Variants in CACNA1H observed in about 807,000 individuals in gnomAD.
CACNA1H encodes voltage-dependent T-type calcium channel subunit alpha-1H.
A neutral mutation model predicts 192.5 loss-of-function variants in CACNA1H; 149 were observed. The ratio of observed to expected loss-of-function variants is 0.77; its 90% confidence interval spans 0.68 to 0.89. CACNA1H has a LOEUF of 0.89. Among genes scored for constraint, CACNA1H ranks in the 40% least tolerant of loss-of-function variants. The probability of loss-of-function intolerance (pLI) is 0.00; values close to 1 mark genes in which losing one functional copy is unlikely to be tolerated. For synonymous variants in CACNA1H, 2,202 were observed against 1,475.2 expected (o/e 1.49, Z -11.29); for missense variants, 4,257 against 3,423.5 (o/e 1.24, Z -6.08).
chr16:1,186,541 T>G (rs906828169), intron 2 of CACNA1H, among the ~76,000 whole-genome samples: 3 of 152,046 alleles, frequency 2.0e-5, no homozygotes, highest in African/African-American at 7.3e-5. Flanking sequence ...CTCCGGCGAT[T>G]CCCTGGGAAC....
At chr16:1,201,443 G>A (rs766455507) in intron 8 of CACNA1H, among the ~76,000 whole-genome samples, 1 of 152,172 alleles carries the variant, frequency 6.6e-6, no homozygotes, top group Non-Finnish European at 1.5e-5. Context: ...GAGGGTTCCA[G>A]GTCTTTTGTC....
At chr16:1,178,302 C>A (rs2151743752) in intron 2 of CACNA1H, among the ~76,000 whole-genome samples, 1 of 147,422 alleles carries the variant, frequency 6.8e-6, no homozygotes, top group South Asian at 2.3e-4. Flanking sequence ...GGACCCTCCC[C>A]CACGGCCTCC....
intron 2 of CACNA1H, among the ~76,000 whole-genome samples, chr16:1,183,605 T>C (rs1401025885): frequency 6.6e-6 from 1 of 152,208 alleles, no homozygotes; most frequent in East Asian, 1.9e-4. Flanking sequence ...CACGTGCCTG[T>C]CGTGGCATTG....
chr16:1,181,536 C>T (rs1220884410), intron 2 of CACNA1H, among the ~76,000 whole-genome samples: 1 of 152,260 alleles, frequency 6.6e-6, no homozygotes, highest in African/African-American at 2.4e-5. Flanking sequence ...AAGCTTCCCG[C>T]AGGCACGGAG....
At position 1,200,485 on chromosome 16, in the gene CACNA1H, A is replaced by G. The variant is rs2141243964; in HGVS notation, c.1033A>G (p.Asn345Asp). Residue 345 changes from asparagine (N) to aspartate (D), a missense_variant, in exon 7 of 35, where the codon AAC becomes GAC. Coordinates refer to ENST00000348261, the MANE Select transcript of CACNA1H (RefSeq NM_021098.3). ...CTGCATCAACTGGAACCAGTACTAC[A>G]ACGTGTGCCGCTCGGGTGACTCCAA... Reference protein sequence around the residue: ...NACINWNQYYNVCRSGDSNPH... With the variant: ...NACINWNQYYDVCRSGDSNPH... The G allele has an allele frequency of 6.2e-7, 1 of 1,612,158 alleles. No homozygotes were observed. Among genetic ancestry groups the G allele is most frequent in the Non-Finnish European group, 8.5e-7 (1 of 1,179,702 alleles).
At chr16:1,168,967 C>T (rs190567069) in intron 2 of CACNA1H, among the ~76,000 whole-genome samples, 19 of 152,278 alleles carry the variant, frequency 1.2e-4, no homozygotes, top group Non-Finnish European at 2.5e-4. Flanking sequence ...TGGGGTGAGT[C>T]TGCCCACAGT....
chr16:1,154,182 G>A, intron 2 of CACNA1H, 146 bp downstream of exon 2: 2 of 513,050 alleles, frequency 3.9e-6, no homozygotes, highest in Non-Finnish European at 5.9e-6. Context: ...TGCAGGGCAG[G>A]GGCTGGAGGA....
rs566968768 is a variant in CACNA1H, at chr16:1,181,734, C to G, written c.300-13238C>G. The stretch of plus-strand genomic sequence containing the variant: ...CCGTGGTGGTGCTGCGAGCCAACCT[C>G]TCCTTTCATTCCTGGAGGTGGGGGA... On this transcript the variant is annotated intron_variant, in intron 2 of 34. Transcript: ENST00000348261. Among the ~76,000 whole-genome samples the G allele has an allele frequency of 1.2e-3, 184 of 152,344 alleles. 1 individual carries two copies. Among genetic ancestry groups the G allele is most frequent in the African/African-American group, 4.3e-3 (180 of 41,566 alleles).
intron 9 of CACNA1H, among the ~76,000 whole-genome samples, chr16:1,202,786 G>T (rs920626968): frequency 6.6e-6 from 1 of 152,128 alleles, no homozygotes; most frequent in African/African-American, 2.4e-5. Context: ...GTATGCTTGT[G>T]TCCACAGCCT....
At chr16:1,178,873 G>A (rs1324806556) in intron 2 of CACNA1H, among the ~76,000 whole-genome samples, 1 of 152,242 alleles carries the variant, frequency 6.6e-6, no homozygotes, top group African/African-American at 2.4e-5. Flanking sequence ...AGGACCGAAC[G>A]GTGGCATCTC....
chr16:1,190,650 G>GC (rs1966521437), intron 2 of CACNA1H, among the ~76,000 whole-genome samples: 1 of 152,238 alleles, frequency 6.6e-6, no homozygotes, highest in Non-Finnish European at 1.5e-5. Context: ...CCTCCTTGGG[G>GC]CCCCCCAGAC....
In CACNA1H at chr16:1,157,432, T is replaced by G. The variant is rs547627304; in HGVS notation, c.299+3396T>G. ...GCCACGTGTTTGGCAGAGCGCTGCCTGGGTGGGGACGAGCTGCGGGAGCCT... is the reference window on the plus strand; with the variant it reads ...GCCACGTGTTTGGCAGAGCGCTGCCGGGGTGGGGACGAGCTGCGGGAGCCT... On this transcript the variant is annotated intron_variant, in intron 2 of 34. Coordinates refer to ENST00000348261, the MANE Select transcript of CACNA1H (RefSeq NM_021098.3). Among the ~76,000 whole-genome samples, 3 of 152,304 alleles carry G rather than the reference T, an allele frequency of 2.0e-5. No individual in the cohort carries two copies. The South Asian group carries it at 6.2e-4, about 32-fold the overall frequency.
intron 2 of CACNA1H, among the ~76,000 whole-genome samples, chr16:1,165,806 C>G (rs906641692): frequency 2.6e-5 from 4 of 152,206 alleles, no homozygotes; most frequent in African/African-American, 9.6e-5. Context: ...AACCCATCAG[C>G]CCATGGTTTC....
intron 14 of CACNA1H, 92 bp downstream of exon 14, chr16:1,207,522 A>C (rs1968883552): frequency 9.6e-6 from 13 of 1,356,750 alleles, no homozygotes; most frequent in Non-Finnish European, 1.3e-5. Context: ...GGGCCTGCCA[A>C]GAGGTGAGGG....
chr16:1,181,998 C>T (rs967446041), intron 2 of CACNA1H, among the ~76,000 whole-genome samples: 4 of 152,126 alleles, frequency 2.6e-5, no homozygotes, highest in Non-Finnish European at 5.9e-5. Context: ...GCTCACTCTG[C>T]TGCCTGTCCC....
At chr16:1,203,663 A>G (rs1304148413) in intron 9 of CACNA1H, among the ~76,000 whole-genome samples, 1 of 151,684 alleles carries the variant, frequency 6.6e-6, no homozygotes, top group Admixed American at 6.6e-5. Flanking sequence ...CTAGGGGAGA[A>G]CTCTCCTCGC....
intron 2 of CACNA1H, among the ~76,000 whole-genome samples, chr16:1,189,467 A>T (rs1330185474): frequency 8.2e-6 from 1 of 122,410 alleles, no homozygotes; most frequent in Non-Finnish European, 1.6e-5. Context: ...CCCAGCCTGG[A>T]GTGCAGTGGC....
chr16:1,198,650 C>A lies in CACNA1H; in HGVS notation c.679C>A (p.Leu227Met), dbSNP rs1436752207. 1 of 1,613,312 alleles carries A rather than the reference C, an allele frequency of 6.2e-7. No homozygotes were observed. The highest frequency in any genetic ancestry group is 8.5e-7 in the Non-Finnish European group (1 of 1,179,648). Residue 227 changes from leucine (L) to methionine (M), a missense_variant, in exon 6 of 35, where the codon CTG (leucine) becomes ATG (methionine). Coordinates refer to ENST00000348261, the MANE Select transcript of CACNA1H (RefSeq NM_021098.3). ...RILVTLLLDT[L>M]PMLGNVLLLC... ...CCTGGTCACTCTGCTGCTGGATACG[C>A]TGCCCATGCTCGGGAACGTCCTTCT...
chr16:1,172,609 C>T (rs1467601996), intron 2 of CACNA1H, among the ~76,000 whole-genome samples: 3 of 152,210 alleles, frequency 2.0e-5, no homozygotes, highest in Non-Finnish European at 4.4e-5. Context: ...CAGGAGCTCC[C>T]GGCTTCTGTA....
Sources: allele counts gnomAD v4.1 joint callset (sites outside exome capture counted in the v4.1 genomes callset), GRCh38; gene constraint gnomAD v4.1.1; transcripts MANE v1.5; gene names NCBI Gene and HGNC (gene_info 2026-07-23, HGNC 2026-07-21).